The following PLCL2 variants were observed in gnomAD, a reference collection of about 807,000 sequenced individuals.
PLCL2 encodes the protein inactive phospholipase C-like protein 2.
Under a neutral mutation model 79.6 loss-of-function variants are expected in PLCL2, and 4 were observed. The ratio of observed to expected loss-of-function variants is 0.05; its 90% CI spans 0.02 to 0.11. PLCL2 has a LOEUF of 0.11. PLCL2 is among the 10% of genes least tolerant of loss of function. PLCL2 has a pLI of 1.00. For synonymous variants in PLCL2, 484 were observed against 457.7 expected, an observed-to-expected ratio of 1.06 and a Z score of -0.73; for missense variants, 895 against 1,291.0, an observed-to-expected ratio of 0.69 and a Z score of 4.70.
At chr3:17,000,547 C>T (rs2064198268) in intron 1 of PLCL2, among the ~76,000 whole-genome samples, 1 of 152,014 alleles carries the variant, frequency 6.6e-6, no homozygotes. Context: ...TTTCTTCTGT[C>T]ATTTTATACC....
chr3:16,939,952 T>C (rs1407896356), intron 1 of PLCL2, among the ~76,000 whole-genome samples: 3 of 152,154 alleles, frequency 2.0e-5, no homozygotes, highest in South Asian at 2.1e-4. Context: ...ACCTGAGGGC[T>C]TAGGGTCTAA....
At chr3:16,989,321 A>G (rs1464083421) in intron 1 of PLCL2, among the ~76,000 whole-genome samples, 2 of 152,132 alleles carry the variant, frequency 1.3e-5, no homozygotes, top group Non-Finnish European at 2.9e-5. Context: ...TTAAAATATG[A>G]CAAGTCCTTG....
At chr3:17,008,295 T>C (rs2064283316) in intron 1 of PLCL2, among the ~76,000 whole-genome samples, 1 of 150,604 alleles carries the variant, frequency 6.6e-6, no homozygotes, top group African/African-American at 2.5e-5. Flanking sequence ...GTCTATCTGA[T>C]GTATACTGAT....
At chr3:17,020,266 A>G (rs930504226) in intron 3 of PLCL2, among the ~76,000 whole-genome samples, 2 of 152,252 alleles carry the variant, frequency 1.3e-5, no homozygotes, top group East Asian at 1.9e-4. Context: ...GACGTATTAC[A>G]TAAAAAGTAA....
At chr3:17,059,264 A>G (rs966678701) in intron 4 of PLCL2, among the ~76,000 whole-genome samples, 2 of 151,948 alleles carry the variant, frequency 1.3e-5, no homozygotes, top group Admixed American at 6.6e-5. Flanking sequence ...CTGTAGTCCA[A>G]GCTACTAGGG....
At position 17,012,028 on chromosome 3, in the gene PLCL2, T is replaced by G. The variant is rs939038200; in HGVS notation, c.2682T>G (p.Leu894=). Residue 894 remains leucine (L), a synonymous_variant, in exon 2 of 6, where the codon CTT becomes CTG. Coordinates refer to ENST00000615277, the MANE Select transcript of PLCL2 (RefSeq NM_001144382.2). The part of the protein sequence containing the change: ...RGGGKPHKRG[L]SVRKGKKSRE... ...GAGGAAAGCCTCATAAAAGGGGCCTTTCTGTGAGAAAAGGGAAGAAATCCA... is the reference window on the plus strand; with the variant it reads ...GAGGAAAGCCTCATAAAAGGGGCCTGTCTGTGAGAAAAGGGAAGAAATCCA... The G allele has an allele frequency of 3.7e-6, 6 of 1,614,082 alleles. No homozygotes were observed. Among genetic ancestry groups the G allele is most frequent in the South Asian group, 1.1e-5 (1 of 91,092 alleles).
At chr3:17,067,174 A>G (rs529631094) in intron 4 of PLCL2, among the ~76,000 whole-genome samples, 5 of 152,190 alleles carry the variant, frequency 3.3e-5, no homozygotes, top group African/African-American at 4.8e-5. Flanking sequence ...TTCACTGAAC[A>G]TTCTCAATTA....
At chr3:16,979,259 G>A (rs2063956099) in intron 1 of PLCL2, among the ~76,000 whole-genome samples, 1 of 151,498 alleles carries the variant, frequency 6.6e-6, no homozygotes, top group South Asian at 2.1e-4. Flanking sequence ...TCATCCCCCA[G>A]GGTATTTTGC....
At chr3:16,914,423 A>AGT (rs1482023758) in intron 1 of PLCL2, among the ~76,000 whole-genome samples, 1 of 152,142 alleles carries the variant, frequency 6.6e-6, no homozygotes, top group Non-Finnish European at 1.5e-5. Flanking sequence ...TGTATTTCTC[A>AGT]AATTCATCTG....
At chr3:17,075,805 G>A (rs570544636) in intron 5 of PLCL2, among the ~76,000 whole-genome samples, 1 of 152,314 alleles carries the variant, frequency 6.6e-6, no homozygotes, top group Non-Finnish European at 1.5e-5. Flanking sequence ...CTTATTTCAT[G>A]TAGCATTGTG....
At chr3:16,938,033 C>T (rs1042822739) in intron 1 of PLCL2, among the ~76,000 whole-genome samples, 6 of 152,284 alleles carry the variant, frequency 3.9e-5, no homozygotes, top group African/African-American at 1.2e-4. Context: ...CATAGTACTG[C>T]TTTCAAGCAT....
chr3:16,891,148 G>A (rs987748074), intron 1 of PLCL2, among the ~76,000 whole-genome samples: 1 of 152,206 alleles, frequency 6.6e-6, no homozygotes, highest in Non-Finnish European at 1.5e-5. Context: ...AGGCAGAATT[G>A]TGGTGGGAAC....
At chr3:17,079,286 A>G (rs1212191281) in intron 5 of PLCL2, among the ~76,000 whole-genome samples, 1 of 151,070 alleles carries the variant, frequency 6.6e-6, no homozygotes, top group Non-Finnish European at 1.5e-5. Flanking sequence ...CTGACACCCC[A>G]CCTTCTGTGC....
chr3:16,924,117 C>T (rs1272366587), intron 1 of PLCL2, among the ~76,000 whole-genome samples: 3 of 152,150 alleles, frequency 2.0e-5, no homozygotes, highest in Non-Finnish European at 4.4e-5. Context: ...TGGGTTTCCT[C>T]AGGCAGTTTT....
intron 3 of PLCL2, chr3:17,035,916 CT>C (rs1446206453): frequency 1.5e-5 from 5 of 339,182 alleles, no homozygotes; most frequent in Non-Finnish European, 2.9e-5. Context: ...TTGAGTAGTG[CT>C]TTTTATCAAG....
At chr3:17,072,177 C>T (rs901444532) in intron 5 of PLCL2, among the ~76,000 whole-genome samples, 14 of 152,034 alleles carry the variant, frequency 9.2e-5, no homozygotes, top group African/African-American at 3.4e-4. Context: ...TACTAAATTT[C>T]ATTTTATTTA....
intron 1 of PLCL2, among the ~76,000 whole-genome samples, chr3:16,893,927 T>G (rs1313429569): frequency 3.3e-5 from 5 of 152,280 alleles, no homozygotes; most frequent in Admixed American, 6.5e-5. Flanking sequence ...GATGGACTGA[T>G]GGGTAGCAGG....
At chr3:16,907,239 TA>T (rs961759731) in intron 1 of PLCL2, among the ~76,000 whole-genome samples, 3 of 152,134 alleles carry the variant, frequency 2.0e-5, no homozygotes, top group African/African-American at 7.2e-5. Flanking sequence ...CATGATAGTC[TA>T]AAAAAATAGC....
chr3:16,944,762 T>G (rs562442281), intron 1 of PLCL2, among the ~76,000 whole-genome samples: 9 of 151,594 alleles, frequency 5.9e-5, no homozygotes, highest in Non-Finnish European at 5.9e-5. Context: ...ACTCCGGGTT[T>G]TTTTTTTTTT....
Sources: allele counts gnomAD v4.1 joint callset (sites outside exome capture counted in the v4.1 genomes callset), GRCh38; gene constraint gnomAD v4.1.1; transcripts MANE v1.5; gene names NCBI Gene and HGNC (gene_info 2026-07-23, HGNC 2026-07-21).